The following HEATR4 variants were observed in gnomAD, a reference collection of about 807,000 sequenced individuals.
HEATR4 encodes the protein HEAT repeat containing 4.
In HEATR4, 95 loss-of-function variants were observed where a neutral mutation model predicts 108.8. That is an observed-to-expected ratio of 0.87 (90% CI 0.74 to 1.04). HEATR4 has a LOEUF of 1.04. Among genes scored for constraint, HEATR4 ranks in the 50% least tolerant of loss-of-function variants. HEATR4 has a pLI of 0.00. For synonymous variants in HEATR4, 443 were observed against 459.4 expected, an observed-to-expected ratio of 0.96 and a Z score of 0.46; for missense variants, 1,152 against 1,253.8, an observed-to-expected ratio of 0.92 and a Z score of 1.23.
At chr14:73,581,547 A>C in the HEATR4 span, 12 of 151,596 alleles carry the variant, frequency 7.9e-5, no homozygotes, top group African/African-American at 2.7e-4. Context: ...GGAGGAATTA[A>C]CAATCATGCA....
At chr14:73,612,866 C>T in the HEATR4 span, 2 of 1,404,408 alleles carry the variant, frequency 1.4e-6, no homozygotes, top group Non-Finnish European at 9.5e-7. Flanking sequence ...GCGCGACGTG[C>T]GGACGCCCTT....
chr14:73,564,747 T>A, the HEATR4 span, among the ~76,000 whole-genome samples: 15 of 135,660 alleles, frequency 1.1e-4, no homozygotes, highest in African/African-American at 2.3e-4. Context: ...TTTTTTTTTT[T>A]AGAGATGAGA....
chr14:73,627,573 C>T, the HEATR4 span, among the ~76,000 whole-genome samples: 4 of 152,218 alleles, frequency 2.6e-5, no homozygotes, highest in South Asian at 4.2e-4. Flanking sequence ...CAAGTGACAC[C>T]GATAAGGAGA....
At chr14:73,579,001 C>T in the HEATR4 span, among the ~76,000 whole-genome samples, 5 of 149,922 alleles carry the variant, frequency 3.3e-5, no homozygotes, top group Non-Finnish European at 5.9e-5. Context: ...AGGAGAATGG[C>T]GTGAACCCGG....
the HEATR4 span, among the ~76,000 whole-genome samples, chr14:73,578,231 CT>C: frequency 8.8e-4 from 123 of 139,280 alleles, no homozygotes; most frequent in East Asian, 2.3e-3. Context: ...GACATTTCAT[CT>C]TTTTTTTTTT....
In HEATR4 at chr14:73,538,197, G is replaced by C. The variant is rs1259347024; in HGVS notation, c.-151-7953C>G. The stretch of plus-strand genomic sequence containing the variant: ...CCCTGCGCTTTTCATACGGAGAAAG[G>C]ATGTAGCTTCCAACATTCCGGAGGT... On this transcript the variant is annotated intron_variant, in intron 1 of 17. Coordinates refer to ENST00000553558, the MANE Select transcript of HEATR4 (RefSeq NM_001220484.1). Among the ~76,000 whole-genome samples the C allele has an allele frequency of 7.0e-5, 8 of 113,974 alleles. 2 individuals are homozygous for C. The highest frequency in any genetic ancestry group is 1.5e-4 in the Non-Finnish European group (8 of 52,432). 74.8% of individuals were successfully genotyped at this position (113,974 alleles called of 152,430 possible).
chr14:73,521,517 AGT>A (rs1222988689), intron 3 of HEATR4, among the ~76,000 whole-genome samples: 1 of 152,200 alleles, frequency 6.6e-6, no homozygotes, highest in Admixed American at 6.5e-5. Context: ...CACTTTGCAG[AGT>A]GCCTGGAAAG....
At chr14:73,600,742 C>T in the HEATR4 span, among the ~76,000 whole-genome samples, 5 of 152,084 alleles carry the variant, frequency 3.3e-5, no homozygotes, top group South Asian at 2.1e-4. Context: ...TGAGCCACCA[C>T]GCCCAGCCAG....
the HEATR4 span, chr14:73,619,559 G>A: frequency 6.2e-7 from 1 of 1,614,182 alleles, no homozygotes; most frequent in Admixed American, 1.7e-5. Context: ...GATCAAAGCT[G>A]GAAGAGTGAA....
At chr14:73,494,447 T>C (rs578095942) in intron 16 of HEATR4, among the ~76,000 whole-genome samples, 138 of 152,354 alleles carry the variant, frequency 9.1e-4, no homozygotes, top group African/African-American at 3.2e-3. Context: ...TTGAGAACTT[T>C]ACAAATTCTT....
chr14:73,580,601 C>CTT, the HEATR4 span: 8,996 of 152,152 alleles, frequency 0.059, 330 homozygotes, highest in Middle Eastern at 0.095. Flanking sequence ...TGTCGGGTGG[C>CTT]GTGACCTGCT....
chr14:73,509,775 T>G (rs1370553119), intron 7 of HEATR4, among the ~76,000 whole-genome samples: 1 of 128,988 alleles, frequency 7.8e-6, no homozygotes, highest in African/African-American at 2.9e-5. Context: ...ACCATTAGTT[T>G]TAGTGATTAA....
At chr14:73,502,850 TC>T (rs1172339592) in intron 11 of HEATR4, 44 bp downstream of exon 11, 1 of 1,484,756 alleles carries the variant, frequency 6.7e-7, no homozygotes. Flanking sequence ...CCTAAACACT[TC>T]TAAGAATTTA....
the HEATR4 span, chr14:73,592,092 CTCT>C: frequency 6.7e-7 from 1 of 1,490,968 alleles, no homozygotes; most frequent in East Asian, 2.8e-5. Context: ...GAAGGGCGCG[CTCT>C]TCCGGGCCCA....
intron 7 of HEATR4, among the ~76,000 whole-genome samples, chr14:73,510,896 T>A (rs955814147): frequency 1.3e-5 from 2 of 152,244 alleles, no homozygotes; most frequent in African/African-American, 2.4e-5. Context: ...AGGGCCTGCC[T>A]GTTATAAGTT....
At chr14:73,580,673 TAG>T in the HEATR4 span, 1 of 152,144 alleles carries the variant, frequency 6.6e-6, no homozygotes, top group Non-Finnish European at 1.5e-5. Context: ...TCATGGTGGC[TAG>T]AGATATCTGG....
At chr14:73,480,356 G>T (rs188796592) in intron 17 of HEATR4, among the ~76,000 whole-genome samples, 1 of 152,152 alleles carries the variant, frequency 6.6e-6, no homozygotes, top group Non-Finnish European at 1.5e-5. Flanking sequence ...CAGAAGAATC[G>T]CTTGAACCAG....
At chr14:73,496,965 G>A (rs895476985) in intron 14 of HEATR4, among the ~76,000 whole-genome samples, 5 of 152,130 alleles carry the variant, frequency 3.3e-5, no homozygotes, top group East Asian at 1.9e-4. Flanking sequence ...ATCTCGTCTC[G>A]GCTCACTGCA....
chr14:73,518,307 G>T lies in HEATR4; in HGVS notation c.1210+716C>A, dbSNP rs142093883. 4.0e-5 allele frequency among the ~76,000 whole-genome samples: 6 copies of T among 151,592 alleles called. No homozygotes were observed. In the East Asian group the frequency reaches 1.2e-3, roughly 29 times the overall value. ...TGATTCCAGCTACCCTGGAGGCTGA[G>T]GCAGGGGAATTGCTTGAACCAGGAA... On this transcript the variant is annotated intron_variant, in intron 5 of 17. Coordinates refer to ENST00000553558, the MANE Select transcript of HEATR4 (RefSeq NM_001220484.1).
Sources: gnomAD v4.1 joint callset for allele counts (sites outside exome capture counted in the v4.1 genomes callset) on GRCh38, gnomAD v4.1.1 for gene constraint, MANE v1.5 for transcripts, NCBI Gene and HGNC (gene_info 2026-07-23, HGNC 2026-07-21) for gene names.